Variants in PCDH15 observed in about 807,000 individuals in gnomAD.
The protein encoded by PCDH15 is protocadherin-15.
In PCDH15, 129 loss-of-function variants were observed where a neutral mutation model predicts 178.5. That is an observed-to-expected ratio of 0.72 (90% confidence interval 0.63 to 0.84). The LOEUF is 0.84. Ranked by LOEUF, PCDH15 falls within the 40% of genes least tolerant of loss-of-function variation. PCDH15 has a pLI of 0.00. For synonymous variants in PCDH15, 800 were observed against 732.0 expected, an observed-to-expected ratio of 1.09 and a Z score of -1.50; for missense variants, 2,230 against 2,099.9, an observed-to-expected ratio of 1.06 and a Z score of -1.21.
chr10:54,060,608 C>T (rs192605788), intron 18 of PCDH15, among the ~76,000 whole-genome samples: 20 of 152,276 alleles, frequency 1.3e-4, no homozygotes, highest in East Asian at 7.7e-4. Flanking sequence ...TTTGCGATAG[C>T]GAAATCCAGT....
intron 2 of PCDH15, among the ~76,000 whole-genome samples, chr10:55,388,943 AG>A (rs1228854484): frequency 6.6e-6 from 1 of 152,140 alleles, no homozygotes; most frequent in East Asian, 1.9e-4. Context: ...ATCAGATATG[AG>A]TTCCTTCTCT....
At chr10:54,131,138 C>G (rs754409066) in intron 15 of PCDH15, among the ~76,000 whole-genome samples, 1 of 152,118 alleles carries the variant, frequency 6.6e-6, no homozygotes, top group Non-Finnish European at 1.5e-5. Flanking sequence ...CTTTAACTCA[C>G]AGGTAGAATT....
At chr10:54,657,650 C>T (rs553821890) in intron 2 of PCDH15, among the ~76,000 whole-genome samples, 31 of 152,180 alleles carry the variant, frequency 2.0e-4, no homozygotes, top group African/African-American at 7.5e-4. Flanking sequence ...GAAAGCACCC[C>T]AAAACAAAGC....
chr10:53,888,083 A>G (rs1589256934), intron 26 of PCDH15, among the ~76,000 whole-genome samples: 1 of 151,570 alleles, frequency 6.6e-6, no homozygotes, highest in East Asian at 1.9e-4. Context: ...GAGAATATAT[A>G]GTTTAAAAAA....
intron 2 of PCDH15, among the ~76,000 whole-genome samples, chr10:55,141,590 A>G (rs776725345): frequency 5.3e-5 from 8 of 152,140 alleles, no homozygotes; most frequent in Non-Finnish European, 8.8e-5. Context: ...AGATATCATT[A>G]TCATTCATCT....
In PCDH15 at chr10:55,391,518, G is replaced by A. The variant is rs189592362; in HGVS notation, c.-155-224867C>T. On this transcript the variant is annotated intron_variant, in intron 2 of 5. Coordinates refer to the PCDH15 transcript ENST00000613346. ...TTGGGGGGTGGGGGGATGGAGTCTTGCCCTGTCGCCCAGGATGGATTGGAA... is the reference window on the plus strand; with the variant it reads ...TTGGGGGGTGGGGGGATGGAGTCTTACCCTGTCGCCCAGGATGGATTGGAA... Among the ~76,000 whole-genome samples the A allele has an allele frequency of 5.9e-5, 9 of 152,024 alleles. No homozygotes were observed. In the East Asian group the frequency reaches 1.6e-3, roughly 26 times the overall value.
intron 16 of PCDH15, among the ~76,000 whole-genome samples, chr10:54,085,532 A>C (rs1032839112): frequency 6.6e-6 from 1 of 152,190 alleles, no homozygotes; most frequent in African/African-American, 2.4e-5. Flanking sequence ...TTGCTGAGTG[A>C]ATATTTGCTA....
chr10:54,125,743 G>A (rs1430173198), intron 15 of PCDH15, among the ~76,000 whole-genome samples: 2 of 152,098 alleles, frequency 1.3e-5, no homozygotes, highest in Non-Finnish European at 2.9e-5. Context: ...AGTGCTTAGT[G>A]TAGTTCCTGG....
intron 1 of PCDH15, among the ~76,000 whole-genome samples, chr10:55,279,056 T>C (rs1018618941): frequency 3.9e-5 from 6 of 152,204 alleles, no homozygotes; most frequent in Non-Finnish European, 7.3e-5. Context: ...TCCTGAAAGA[T>C]AGTTTGGGCA....
chr10:54,806,292 A>G (rs892159403), intron 3 of PCDH15, among the ~76,000 whole-genome samples: 2 of 152,100 alleles, frequency 1.3e-5, no homozygotes, highest in Non-Finnish European at 2.9e-5. Flanking sequence ...AATTATCCCA[A>G]TTTTAGTAGC....
chr10:54,906,923 C>T (rs1349894), intron 2 of PCDH15, among the ~76,000 whole-genome samples: 147,862 of 152,240 alleles, frequency 0.97, 71,946 homozygotes, highest in East Asian at 1. Context: ...CTAATAATTG[C>T]TGTCTCCTCA....
In PCDH15 at chr10:53,927,333, A is replaced by G. The variant is rs962363488; in HGVS notation, c.3373+11482T>C. 3.9e-5 allele frequency among the ~76,000 whole-genome samples: 6 copies of G among 152,296 alleles called. No individual in the cohort carries two copies. The East Asian group carries it at 7.7e-4, about 20-fold the overall frequency. On this transcript the variant is annotated intron_variant, in intron 25 of 37. Transcript: ENST00000644397. ...TACCACTTTTACCTTTTACCTTGGA[A>G]TACACTAAATTCCATTGTTTGCCCA...
intron 2 of PCDH15, among the ~76,000 whole-genome samples, chr10:55,437,834 T>TC (rs1839079507): frequency 1.4e-5 from 2 of 142,318 alleles, no homozygotes; most frequent in African/African-American, 5.3e-5. Flanking sequence ...TTGCTTTTCT[T>TC]TTTTTTTTTT....
At chr10:53,963,459 A>G (rs886911093) in intron 21 of PCDH15, among the ~76,000 whole-genome samples, 1 of 152,044 alleles carries the variant, frequency 6.6e-6, no homozygotes, top group Non-Finnish European at 1.5e-5. Context: ...AAGAACTTCT[A>G]CATTTTCTAC....
At chr10:54,561,430 G>A (rs1343628924) in intron 2 of PCDH15, among the ~76,000 whole-genome samples, 1 of 152,148 alleles carries the variant, frequency 6.6e-6, no homozygotes, top group Non-Finnish European at 1.5e-5. Context: ...CATTTGGTGG[G>A]AAAGACTATC....
chr10:54,973,936 G>A (rs150551261), intron 2 of PCDH15, among the ~76,000 whole-genome samples: 93 of 152,000 alleles, frequency 6.1e-4, no homozygotes, highest in African/African-American at 2.0e-3. Flanking sequence ...ATGTAGATAA[G>A]TATACTACTT....
chr10:53,942,804 C>T (rs1394151887), intron 23 of PCDH15, among the ~76,000 whole-genome samples: 1 of 152,174 alleles, frequency 6.6e-6, no homozygotes, highest in Non-Finnish European at 1.5e-5. Flanking sequence ...GAGGACACAG[C>T]TAACCCATGC....
chr10:54,177,211 C>A (rs2133717278), intron 13 of PCDH15, among the ~76,000 whole-genome samples: 1 of 152,080 alleles, frequency 6.6e-6, no homozygotes, highest in Non-Finnish European at 1.5e-5. Flanking sequence ...TAAACACATG[C>A]TATTCTGGAA....
intron 3 of PCDH15, among the ~76,000 whole-genome samples, chr10:54,811,040 G>A (rs541984113): frequency 7.8e-4 from 118 of 152,038 alleles, no homozygotes; most frequent in African/African-American, 2.6e-3. Flanking sequence ...ATCTATAGTC[G>A]TAAGTTTGAA....
Sources: gnomAD v4.1 joint callset for allele counts (sites outside exome capture counted in the v4.1 genomes callset) on GRCh38, gnomAD v4.1.1 for gene constraint, MANE v1.5 for transcripts, NCBI Gene and HGNC (gene_info 2026-07-23, HGNC 2026-07-21) for gene names.